The following FBLIM1 variants were observed in gnomAD, a reference collection of about 807,000 sequenced individuals.
The protein encoded by FBLIM1 is filamin-binding LIM protein 1.
In FBLIM1, 29 loss-of-function variants were observed where a neutral mutation model predicts 37.4. The observed-to-expected ratio is 0.77, with a 90% CI of 0.58 to 1.06. The LOEUF (loss-of-function observed/expected upper bound fraction) is 1.06. FBLIM1 is among the 50% of genes least tolerant of loss of function. The pLI is 0.00. For missense variants in FBLIM1, 449 were observed against 505.6 expected, an observed-to-expected ratio of 0.89 and a Z score of 1.07; for synonymous variants, 193 against 199.0, an observed-to-expected ratio of 0.97 and a Z score of 0.25.
At chr1:15,766,304 G>A (rs1356500534) in intron 3 of FBLIM1, among the ~76,000 whole-genome samples, 1 of 151,860 alleles carries the variant, frequency 6.6e-6, no homozygotes, top group Non-Finnish European at 1.5e-5. Flanking sequence ...GTGTGTGTGT[G>A]TGTATATTTT....
In FBLIM1 at chr1:15,785,665, A is replaced by T. The variant is rs1456919941; in HGVS notation, c.*1004A>T. 3 of 152,110 alleles carry T rather than the reference A, an allele frequency of 2.0e-5. No homozygotes were observed. Among genetic ancestry groups the T allele is most frequent in the Non-Finnish European group, 4.4e-5 (3 of 68,022 alleles). 9.4% of individuals were successfully genotyped at this position (152,110 alleles called of 1,614,324 possible). ...AAAAAAGTGCTTTTTGAAAATGTTG[A>T]GGTTGAAATGATGGGAACCAACATT... On this transcript the variant is annotated 3_prime_UTR_variant, in exon 9 of 9. Transcript: ENST00000375766.
chr1:15,759,180 A>C (rs1283823436), intron 1 of FBLIM1, among the ~76,000 whole-genome samples: 1 of 152,122 alleles, frequency 6.6e-6, no homozygotes, highest in Non-Finnish European at 1.5e-5. Context: ...GGAGTCCCGC[A>C]CATGGATCGA....
Position 15,767,405 on chromosome 1 carries a change from G to A in FBLIM1, c.280G>A (p.Gly94Ser), listed in dbSNP as rs146557370. The A allele has an allele frequency of 1.9e-6, 3 of 1,562,744 alleles. No homozygotes were observed. Among genetic ancestry groups the A allele is most frequent in the African/African-American group, 2.8e-5 (2 of 70,696 alleles). The change falls in exon 4 of 9, where the codon GGT becomes AGT. Residue 94 changes from glycine (G) to serine (S), a missense_variant. Physicochemically the swap from Gly to Ser is moderately conservative, Grantham distance 56 (BLOSUM62 0). Transcript: ENST00000375766. Reference sequence around the variant, plus strand: ...CCCACCCCCTCCTCCTGTCCTGGATGGTGAGGACGTGCTTCCTGACCTGGA... The same window carrying A: ...CCCACCCCCTCCTCCTGTCCTGGATAGTGAGGACGTGCTTCCTGACCTGGA... ...GCPPPPPVLD[G>S]EDVLPDLDLL...
At chr1:15,769,183 A>G (rs2069079096) in intron 5 of FBLIM1, among the ~76,000 whole-genome samples, 1 of 152,224 alleles carries the variant, frequency 6.6e-6, no homozygotes, top group Non-Finnish European at 1.5e-5. Context: ...ATCAGAATAT[A>G]AAGTGGCTCC....
At chr1:15,782,516 C>T (rs2148661535) in intron 8 of FBLIM1, among the ~76,000 whole-genome samples, 1 of 152,006 alleles carries the variant, frequency 6.6e-6, no homozygotes, top group East Asian at 1.9e-4. Flanking sequence ...CGCACAGCTG[C>T]CTTGCAGAGG....
chr1:15,763,652 T>TA (rs960310145), intron 1 of FBLIM1, among the ~76,000 whole-genome samples: 1 of 150,960 alleles, frequency 6.6e-6, no homozygotes, highest in Non-Finnish European at 1.5e-5. Context: ...TAAAAATAAA[T>TA]AAAAAAAGAC....
upstream of FBLIM1, chr1:15,758,710 A>C (rs2068513369): frequency 6.6e-6 from 1 of 150,956 alleles, no homozygotes; most frequent in Non-Finnish European, 1.5e-5. This position sits in a 1 kb window ranked among gnomAD's most constrained non-coding sequence, Gnocchi z 6.2. Flanking sequence ...CTTTTATGGT[A>C]AAGCGGCGCG....
rs1238374420 is a variant in FBLIM1 at position 15,785,913 on chromosome 1, G to C, written c.*1252G>C. 6.6e-6 allele frequency: 1 copy of C among 152,322 alleles called. No homozygotes were observed. Among genetic ancestry groups the C allele is most frequent in the Non-Finnish European group, 1.5e-5 (1 of 68,106 alleles). The allele number at this position is 152,322 out of a possible 1,614,324, so 9.4% of individuals were successfully genotyped here. A position where few individuals can be genotyped will look rare whatever the true frequency, so the allele number is the denominator to read the frequency against. On this transcript the variant is annotated 3_prime_UTR_variant, in exon 9 of 9. Coordinates refer to ENST00000375766, the MANE Select transcript of FBLIM1 (RefSeq NM_017556.4). Reference sequence around the variant, plus strand: ...GGCGGCACCTCCCGGGTGCTGTGTTGAGTCAGCAGGCATGGGGTGAGAGCC... The same window carrying C: ...GGCGGCACCTCCCGGGTGCTGTGTTCAGTCAGCAGGCATGGGGTGAGAGCC...
At chr1:15,760,039 C>A (rs1156804981) in intron 1 of FBLIM1, among the ~76,000 whole-genome samples, 4 of 151,492 alleles carry the variant, frequency 2.6e-5, no homozygotes, top group Non-Finnish European at 4.4e-5. Context: ...GCCTGGCCAA[C>A]GTGGTGAAAC....
chr1:15,759,253 G>A (rs1283807725), intron 1 of FBLIM1, among the ~76,000 whole-genome samples: 2 of 152,194 alleles, frequency 1.3e-5, no homozygotes, highest in Admixed American at 6.5e-5. Flanking sequence ...TGCCTGCGGA[G>A]GGTCCCGCGT....
chr1:15,775,660 C>G (rs933495622), intron 7 of FBLIM1, among the ~76,000 whole-genome samples: 1 of 152,154 alleles, frequency 6.6e-6, no homozygotes, highest in Non-Finnish European at 1.5e-5. Context: ...GTGCCACCCT[C>G]CAGGAACCCC....
chr1:15,762,543 A>G (rs1236979969), intron 1 of FBLIM1, among the ~76,000 whole-genome samples: 4 of 152,072 alleles, frequency 2.6e-5, no homozygotes, highest in Admixed American at 6.6e-5. Flanking sequence ...TTACAGGCAT[A>G]AGCCTCCACG....
Position 15,765,546 on chromosome 1 carries a change from G to A in FBLIM1, c.250+313G>A, listed in dbSNP as rs151065383. 1.5e-4 allele frequency among the ~76,000 whole-genome samples: 23 copies of A among 151,940 alleles called. No individual in the cohort carries two copies. Among genetic ancestry groups the A allele is most frequent in the Non-Finnish European group, 2.1e-4 (14 of 67,968 alleles). ...GTCAGCATGGCTGGCTGGCCGTTTC[G>A]TCTGCCAATTTAATACCCTCAAGCA... On this transcript the variant is annotated intron_variant, in intron 3 of 8. Transcript: ENST00000375766. This position sits in a 1 kb window ranked among gnomAD's most constrained non-coding sequence, Gnocchi z 5.9.
At chr1:15,767,250 G>A in intron 3 of FBLIM1, 126 bp from the exon 4 acceptor site, 1 of 765,790 alleles carries the variant, frequency 1.3e-6, no homozygotes, top group Non-Finnish European at 2.0e-6. Flanking sequence ...GTTAGACATG[G>A]AACCCAGGCC....
chr1:15,776,797 G>A (rs1420023820), intron 7 of FBLIM1, among the ~76,000 whole-genome samples: 3 of 150,260 alleles, frequency 2.0e-5, no homozygotes, highest in Admixed American at 6.7e-5. Flanking sequence ...GGGAGGTGGA[G>A]GTTGCAGTGA....
intron 1 of FBLIM1, among the ~76,000 whole-genome samples, chr1:15,760,765 C>T (rs938295): frequency 0.27 from 40,881 of 151,864 alleles, 6,580 homozygotes; most frequent in African/African-American, 0.45. Flanking sequence ...CCTTTGTTCC[C>T]ACTTTTCTCC....
At chr1:15,766,041 C>T (rs1050906389) in intron 3 of FBLIM1, among the ~76,000 whole-genome samples, 12 of 152,304 alleles carry the variant, frequency 7.9e-5, no homozygotes, top group African/African-American at 2.4e-4. Flanking sequence ...CCAGCACAGC[C>T]GCAGGCTCCC....
At chr1:15,773,560 A>G (rs1021773255) in intron 6 of FBLIM1, among the ~76,000 whole-genome samples, 22 of 151,488 alleles carry the variant, frequency 1.5e-4, no homozygotes, top group African/African-American at 4.9e-4. Context: ...CATGCCTGTA[A>G]TCCCACCTAC....
upstream of FBLIM1, chr1:15,758,053 TCCACTG>T (rs984716115): frequency 1.7e-4 from 26 of 152,120 alleles, no homozygotes; most frequent in African/African-American, 6.3e-4. The surrounding 1 kb of genome is among the most constrained non-coding windows in gnomAD (Gnocchi z 6.2). Context: ...GGTGACCTGC[TCCACTG>T]GGGGTCTCCG....
Sources: allele counts gnomAD v4.1 joint callset (sites outside exome capture counted in the v4.1 genomes callset), GRCh38; gene constraint gnomAD v4.1.1; non-coding constraint Gnocchi (gnomAD v3.1); transcripts MANE v1.5; gene names NCBI Gene and HGNC (gene_info 2026-07-23, HGNC 2026-07-21).